Variants in HDGFL3 observed in about 807,000 individuals in gnomAD.
HDGFL3 encodes hepatoma-derived growth factor-related protein 3.
In HDGFL3, 6 loss-of-function variants were observed where a neutral mutation model predicts 27.6. The observed-to-expected ratio is 0.22, with a 90% confidence interval of 0.12 to 0.43. The LOEUF (loss-of-function observed/expected upper bound fraction) is 0.43. HDGFL3 is among the 20% of genes least tolerant of loss of function. The pLI is 1.00. For missense variants in HDGFL3, 207 were observed against 250.1 expected (o/e 0.83, Z 1.16); for synonymous variants, 88 against 88.9 (o/e 0.99, Z 0.05).
At chr15:83,161,721 A>G (rs1225791658) in intron 2 of HDGFL3, among the ~76,000 whole-genome samples, 1 of 152,224 alleles carries the variant, frequency 6.6e-6, no homozygotes, top group Admixed American at 6.5e-5. Context: ...GTTCTAAAAC[A>G]AGTTGTAATT....
rs571249776 is a variant in HDGFL3, at chr15:83,154,059, A to C, written c.460-2698T>G. Among the ~76,000 whole-genome samples the C allele has an allele frequency of 3.9e-5, 6 of 152,170 alleles. No individual in the cohort carries two copies. The East Asian group carries it at 1.2e-3, about 29-fold the overall frequency. ...GCCGGGCACAGTGGCTCACACCTGT[A>C]ATCCCAGCACTCTGGGAGGTTGAGG... On this transcript the variant is annotated intron_variant, in intron 4 of 5. Coordinates refer to ENST00000299633, the MANE Select transcript of HDGFL3 (RefSeq NM_016073.4).
chr15:83,197,204 A>G (rs1181014120), intron 1 of HDGFL3, among the ~76,000 whole-genome samples: 1 of 152,234 alleles, frequency 6.6e-6, no homozygotes, highest in African/African-American at 2.4e-5. Context: ...GAGCTGGAGA[A>G]CAGCCAGAGT....
At chr15:83,160,312 G>T (rs935169758) in intron 2 of HDGFL3, among the ~76,000 whole-genome samples, 1 of 151,900 alleles carries the variant, frequency 6.6e-6, no homozygotes, top group Non-Finnish European at 1.5e-5. Flanking sequence ...TCAGCCTCCT[G>T]AGGACCTGGG....
intron 2 of HDGFL3, among the ~76,000 whole-genome samples, chr15:83,159,010 T>C (rs557101237): frequency 2.8e-4 from 43 of 152,196 alleles, no homozygotes; most frequent in African/African-American, 1.0e-3. Flanking sequence ...TCTGACTAAT[T>C]TTGTATTTTT....
intron 5 of HDGFL3, among the ~76,000 whole-genome samples, chr15:83,147,209 C>T (rs1407785037): frequency 6.6e-6 from 1 of 151,978 alleles, no homozygotes; most frequent in African/African-American, 2.4e-5. Flanking sequence ...ACTACAGGCA[C>T]GCACCACAAC....
At chr15:83,149,663 G>T (rs982917791) in intron 5 of HDGFL3, among the ~76,000 whole-genome samples, 8 of 152,164 alleles carry the variant, frequency 5.3e-5, no homozygotes, top group African/African-American at 1.9e-4. Context: ...GGTCAAAGAA[G>T]AAATAAGAGT....
At chr15:83,141,012 CAAGGTGCTGTCA>C (rs1424930363) in intron 5 of HDGFL3, among the ~76,000 whole-genome samples, 1 of 152,086 alleles carries the variant, frequency 6.6e-6, no homozygotes, top group Non-Finnish European at 1.5e-5. Flanking sequence ...GGTCTTTAAA[CAAGGTGCTGTCA>C]AATGGGTGCT....
intron 4 of HDGFL3, among the ~76,000 whole-genome samples, chr15:83,155,205 A>G (rs2037013880): frequency 6.6e-6 from 1 of 152,264 alleles, no homozygotes; most frequent in African/African-American, 2.4e-5. Flanking sequence ...ATCTTCAAGG[A>G]AAGCAAAGGA....
chr15:83,194,544 T>C (rs969527499), intron 1 of HDGFL3, among the ~76,000 whole-genome samples: 4 of 152,224 alleles, frequency 2.6e-5, no homozygotes, highest in Non-Finnish European at 4.4e-5. Context: ...ATTAAGATGG[T>C]ATAAATTACA....
At chr15:83,201,091 C>T (rs1301697728) in intron 1 of HDGFL3, among the ~76,000 whole-genome samples, 1 of 151,956 alleles carries the variant, frequency 6.6e-6, no homozygotes, top group Non-Finnish European at 1.5e-5. Flanking sequence ...TTAAATACAC[C>T]ATATGAGCAA....
At position 83,201,223 on chromosome 15, in the gene HDGFL3, A is replaced by C. The variant is rs2037642246; in HGVS notation, c.84+6108T>G. Among the ~76,000 whole-genome samples the C allele has an allele frequency of 2.6e-5, 4 of 152,036 alleles. No individual in the cohort carries two copies. In the South Asian group the frequency reaches 8.3e-4, roughly 32 times the overall value. On this transcript the variant is annotated intron_variant, in intron 1 of 5. Transcript: ENST00000299633. ...AAGTTCTAATGAGTTGCAAACAGACATGTTTATAAAATAAAAATAAATTAT... is the reference window on the plus strand; with the variant it reads ...AAGTTCTAATGAGTTGCAAACAGACCTGTTTATAAAATAAAAATAAATTAT...
downstream of HDGFL3, chr15:83,127,554 C>A: frequency 6.5e-7 from 1 of 1,545,196 alleles, no homozygotes; most frequent in Non-Finnish European, 8.9e-7. Flanking sequence ...AACTTCTCTG[C>A]TCAGTGTTTT....
chr15:83,199,123 G>A (rs774253245), intron 1 of HDGFL3, among the ~76,000 whole-genome samples: 10 of 152,078 alleles, frequency 6.6e-5, no homozygotes, highest in Non-Finnish European at 1.2e-4. Context: ...AGTAGTCCAG[G>A]GAAGGAGATA....
chr15:83,156,987 G>A (rs1004368394), intron 4 of HDGFL3, among the ~76,000 whole-genome samples: 6 of 152,250 alleles, frequency 3.9e-5, no homozygotes, highest in South Asian at 4.1e-4. Context: ...GTGAGCCACC[G>A]CGCCCAGCCA....
At chr15:83,192,668 T>A (rs1422676578) in intron 1 of HDGFL3, among the ~76,000 whole-genome samples, 1 of 152,238 alleles carries the variant, frequency 6.6e-6, no homozygotes, top group Non-Finnish European at 1.5e-5. Flanking sequence ...ATGAAATTCA[T>A]CACAGGAAAA....
intron 1 of HDGFL3, among the ~76,000 whole-genome samples, chr15:83,183,832 C>T (rs1234439537): frequency 6.6e-6 from 1 of 151,886 alleles, no homozygotes; most frequent in African/African-American, 2.4e-5. Flanking sequence ...CAGTTCTAAA[C>T]CTGGTTTAAA....
chr15:83,203,977 T>C (rs894432366), intron 1 of HDGFL3, among the ~76,000 whole-genome samples: 9 of 147,564 alleles, frequency 6.1e-5, no homozygotes, highest in African/African-American at 1.0e-4. Flanking sequence ...ATCCATAACA[T>C]AGATGAACTT....
chr15:83,175,706 A>G (rs1168153308), intron 1 of HDGFL3, among the ~76,000 whole-genome samples: 1 of 152,126 alleles, frequency 6.6e-6, no homozygotes, highest in African/African-American at 2.4e-5. Flanking sequence ...AAAAAATACA[A>G]AAAATTAGCC....
At chr15:83,124,704 G>C (rs2035573305), downstream of HDGFL3, 1 of 1,614,110 alleles carries the variant, frequency 6.2e-7, no homozygotes, top group Admixed American at 1.7e-5. Context: ...AAGACCTGCT[G>C]AGAAGACCAT....
Sources: gnomAD v4.1 joint callset for allele counts (sites outside exome capture counted in the v4.1 genomes callset) on GRCh38, gnomAD v4.1.1 for gene constraint, MANE v1.5 for transcripts, NCBI Gene and HGNC (gene_info 2026-07-23, HGNC 2026-07-21) for gene names.